The following CD58 variants were observed in gnomAD, a reference collection of about 807,000 sequenced individuals.
CD58 encodes the protein lymphocyte function-associated antigen 3.
Under a neutral mutation model 27.6 loss-of-function variants are expected in CD58, and 14 were observed. The observed-to-expected ratio is 0.51, with a 90% CI of 0.34 to 0.79. CD58 has a LOEUF of 0.79. Among genes scored for constraint, CD58 ranks in the 30% least tolerant of loss-of-function variants. The pLI is 0.02. For synonymous variants in CD58, 117 were observed against 103.8 expected, an observed-to-expected ratio of 1.13 and a Z score of -0.77; for missense variants, 268 against 301.7, an observed-to-expected ratio of 0.89 and a Z score of 0.83.
At position 116,527,820 on chromosome 1, in the gene CD58, GATT is replaced by G. The variant is rs754796992; in HGVS notation, c.629-5840_629-5838del. On this transcript the variant is annotated intron_variant, in intron 3 of 5. Transcript: ENST00000369489. This position sits in a 1 kb window ranked among gnomAD's most constrained non-coding sequence, Gnocchi z 4.4. ...GAACCTGGTGCTTTCTGTTTTGGAA[GATT>G]ATTAATTACTGATCTGATTTATTTA... 6.6e-6 allele frequency among the ~76,000 whole-genome samples: 1 copy of G among 152,164 alleles called. No homozygotes were observed.
chr1:116,561,767 C>T (rs1232227613), intron 1 of CD58, among the ~76,000 whole-genome samples: 5 of 152,164 alleles, frequency 3.3e-5, no homozygotes, highest in Admixed American at 3.3e-4. Flanking sequence ...GTTCACTCTG[C>T]CACTTATTTG....
In CD58 at chr1:116,566,985, A is replaced by G. The variant is rs921854652; in HGVS notation, c.70+3918T>C. ...AAAACCCCGTCTCTATAAAAAATACAAAAAAATTAGGTGGACGTGAAGGCA... is the reference window on the plus strand; with the variant it reads ...AAAACCCCGTCTCTATAAAAAATACGAAAAAATTAGGTGGACGTGAAGGCA... On this transcript the variant is annotated intron_variant, in intron 1 of 5. Coordinates refer to ENST00000369489, the MANE Select transcript of CD58 (RefSeq NM_001779.3). Among the ~76,000 whole-genome samples, 16 of 150,926 alleles carry G rather than the reference A, an allele frequency of 1.1e-4. No homozygotes were observed. The East Asian group carries it at 3.0e-3, about 28-fold the overall frequency.
intron 1 of CD58, among the ~76,000 whole-genome samples, chr1:116,568,747 T>C (rs1659027911): frequency 6.6e-6 from 1 of 152,156 alleles, no homozygotes; most frequent in Non-Finnish European, 1.5e-5. Flanking sequence ...CTCATGTGAG[T>C]GGTACTCTCT....
At chr1:116,533,799 T>C in intron 3 of CD58, 1 of 747,664 alleles carries the variant, frequency 1.3e-6, no homozygotes, top group Non-Finnish European at 2.5e-6. Context: ...GAGGCTGGTA[T>C]AATGCTGCAT....
rs1658700728 is a variant in CD58, at chr1:116,559,844, T to A, written c.70+11059A>T. 6.6e-6 allele frequency among the ~76,000 whole-genome samples: 1 copy of A among 152,234 alleles called. No individual in the cohort carries two copies. The highest frequency in any genetic ancestry group is 1.5e-5 in the Non-Finnish European group (1 of 68,048). On this transcript the variant is annotated intron_variant, in intron 1 of 5. Coordinates refer to ENST00000369489, the MANE Select transcript of CD58 (RefSeq NM_001779.3). This position sits in a 1 kb window ranked among gnomAD's most constrained non-coding sequence, Gnocchi z 4.4. ...ACCTATTTCTTCTTTCTCAAGATGT[T>A]TCCCTTTAGACCTATGCAATCCATC...
At position 116,552,592 on chromosome 1, in the gene CD58, A is replaced by G. The variant is rs1366178553; in HGVS notation, c.71-7988T>C. ...TTCTTTAATAAAAATGGTCTTATGC[A>G]CACTTCTCTACATCCCGCCTTTCCA... On this transcript the variant is annotated intron_variant, in intron 1 of 5. Coordinates refer to ENST00000369489, the MANE Select transcript of CD58 (RefSeq NM_001779.3). The surrounding 1 kb of genome is among the most constrained non-coding windows in gnomAD (Gnocchi z 4.5). 2.0e-5 allele frequency among the ~76,000 whole-genome samples: 3 copies of G among 152,216 alleles called. No individual in the cohort carries two copies. Among genetic ancestry groups the G allele is most frequent in the Non-Finnish European group, 2.9e-5 (2 of 68,038 alleles).
In CD58 at chr1:116,559,273, G is replaced by A. The variant is rs1345005720; in HGVS notation, c.70+11630C>T. 6.6e-6 allele frequency among the ~76,000 whole-genome samples: 1 copy of A among 152,136 alleles called. No individual in the cohort carries two copies. The highest frequency in any genetic ancestry group is 2.4e-5 in the African/African-American group (1 of 41,420). On this transcript the variant is annotated intron_variant, in intron 1 of 5. Coordinates refer to ENST00000369489, the MANE Select transcript of CD58 (RefSeq NM_001779.3). The surrounding 1 kb of genome is among the most constrained non-coding windows in gnomAD (Gnocchi z 4.4). ...TTGAGAACACGCCTATCAAAGTAAG[G>A]TGGTTTGCTCCGCTGGACACTTGGT... is the stretch of plus-strand genomic sequence containing the variant.
Position 116,519,411 on chromosome 1 carries a change from C to G in CD58, c.707-144G>C. The stretch of plus-strand genomic sequence containing the variant: ...CTGGGATTTCCTGCTATCCTATATG[C>G]TTTAAATCAAATCGGCTACAGAGCT... On this transcript the variant is annotated intron_variant, in intron 4 of 5. Transcript: ENST00000369489. This position sits in a 1 kb window ranked among gnomAD's most constrained non-coding sequence, Gnocchi z 4.7. 1.3e-6 allele frequency: 1 copy of G among 748,098 alleles called. No homozygotes were observed. The highest frequency in any genetic ancestry group is 1.7e-5 in the African/African-American group (1 of 57,492). 46.3% of individuals were successfully genotyped at this position (748,098 alleles called of 1,614,324 possible). A position where few individuals can be genotyped will look rare whatever the true frequency, so the allele number is the denominator to read the frequency against.
rs1657082726 is a variant in CD58, at chr1:116,516,315, T to G, written c.744-1493A>C. 1.3e-5 allele frequency among the ~76,000 whole-genome samples: 2 copies of G among 152,058 alleles called. No homozygotes were observed. Among genetic ancestry groups the G allele is most frequent in the South Asian group, 4.1e-4 (2 of 4,822 alleles). Reference sequence around the variant, plus strand: ...CATGATGCAGAACTTGAATAGTAAATAAAAATATACCAAGAAAAGTAAGCT... The same window carrying G: ...CATGATGCAGAACTTGAATAGTAAAGAAAAATATACCAAGAAAAGTAAGCT... On this transcript the variant is annotated intron_variant, in intron 5 of 5. Coordinates refer to ENST00000369489, the MANE Select transcript of CD58 (RefSeq NM_001779.3). This position sits in a 1 kb window ranked among gnomAD's most constrained non-coding sequence, Gnocchi z 6.1.
rs1657213236 is a variant in CD58 at position 116,519,865 on chromosome 1, A to C, written c.707-598T>G. Among the ~76,000 whole-genome samples, 1 of 152,182 alleles carries C rather than the reference A, an allele frequency of 6.6e-6. No homozygotes were observed. Among genetic ancestry groups the C allele is most frequent in the African/African-American group, 2.4e-5 (1 of 41,442 alleles). The stretch of plus-strand genomic sequence containing the variant: ...GCTCATGGCTACTATTTCAGACATT[A>C]AGACACTGCTCCCACACATGCATGC... On this transcript the variant is annotated intron_variant, in intron 4 of 5. Coordinates refer to ENST00000369489, the MANE Select transcript of CD58 (RefSeq NM_001779.3). This position sits in a 1 kb window ranked among gnomAD's most constrained non-coding sequence, Gnocchi z 4.7.
Position 116,522,866 on chromosome 1 carries a change from C to T in CD58, c.629-883G>A, listed in dbSNP as rs1479179614. Reference sequence around the variant, plus strand: ...AAATATTTATCATGAAGCATCTAGACATTGCACTAAGTCATGTGCCTATAG... The same window carrying T: ...AAATATTTATCATGAAGCATCTAGATATTGCACTAAGTCATGTGCCTATAG... On this transcript the variant is annotated intron_variant, in intron 3 of 5. Coordinates refer to ENST00000369489, the MANE Select transcript of CD58 (RefSeq NM_001779.3). This position sits in a 1 kb window ranked among gnomAD's most constrained non-coding sequence, Gnocchi z 4.6. 6.6e-6 allele frequency among the ~76,000 whole-genome samples: 1 copy of T among 150,590 alleles called. No homozygotes were observed. Among genetic ancestry groups the T allele is most frequent in the African/African-American group, 2.5e-5 (1 of 39,924 alleles).
At chr1:116,555,709 C>A (rs1658538173) in intron 1 of CD58, among the ~76,000 whole-genome samples, 5 of 152,058 alleles carry the variant, frequency 3.3e-5, no homozygotes, top group Admixed American at 3.3e-4. Flanking sequence ...TTTAATAGTT[C>A]TTTTTGTATG....
chr1:116,542,052 G>C (rs1279341153), intron 2 of CD58, among the ~76,000 whole-genome samples: 2 of 152,248 alleles, frequency 1.3e-5, no homozygotes, highest in Non-Finnish European at 2.9e-5. Flanking sequence ...GCCAAGGCAG[G>C]TGGATCACCT....
At chr1:116,530,878 A>G (rs1244357774) in intron 3 of CD58, among the ~76,000 whole-genome samples, 2 of 152,200 alleles carry the variant, frequency 1.3e-5, no homozygotes, top group Admixed American at 6.5e-5. Flanking sequence ...AAGGTCCTCC[A>G]ATATTTGGTT....
chr1:116,570,984 C>T lies in CD58; in HGVS notation c.-12G>A, dbSNP rs1357459849. 6 of 1,540,614 alleles carry T rather than the reference C, an allele frequency of 3.9e-6. No individual in the cohort carries two copies. In the Admixed American group the frequency reaches 9.8e-5, roughly 25 times the overall value. ...CTCCCAGCAACCATGGCTCGTCGGG[C>T]CGGCCTCTGCGCGAGTGCCCAGCCA... On this transcript the variant is annotated 5_prime_UTR_variant, in exon 1 of 6. Transcript: ENST00000369489. This position sits in a 1 kb window ranked among gnomAD's most constrained non-coding sequence, Gnocchi z 6.4.
rs565492590 is a variant in CD58 at position 116,570,711 on chromosome 1, G to A, written c.70+192C>T. 7.2e-4 allele frequency among the ~76,000 whole-genome samples: 110 copies of A among 152,244 alleles called. No individual in the cohort carries two copies. Among genetic ancestry groups the A allele is most frequent in the African/African-American group, 2.5e-3 (104 of 41,550 alleles). On this transcript the variant is annotated intron_variant, in intron 1 of 5. Coordinates refer to ENST00000369489, the MANE Select transcript of CD58 (RefSeq NM_001779.3). The surrounding 1 kb of genome is among the most constrained non-coding windows in gnomAD (Gnocchi z 6.4). ...CACAGTTCCTTGCTGACTCCATGAGGGACACTGGCGATGAAATAACAACTT... is the reference window on the plus strand; with the variant it reads ...CACAGTTCCTTGCTGACTCCATGAGAGACACTGGCGATGAAATAACAACTT...
At chr1:116,554,143 A>G (rs1431920627) in intron 1 of CD58, among the ~76,000 whole-genome samples, 1 of 152,242 alleles carries the variant, frequency 6.6e-6, no homozygotes, top group East Asian at 1.9e-4. Context: ...GGATGTTAAC[A>G]AATAAAACAA....
At chr1:116,539,824 T>G (rs1029288197) in intron 2 of CD58, among the ~76,000 whole-genome samples, 2 of 152,236 alleles carry the variant, frequency 1.3e-5, no homozygotes, top group African/African-American at 2.4e-5. Context: ...CTAACAAATA[T>G]TCGTTATACC....
intron 1 of CD58, among the ~76,000 whole-genome samples, chr1:116,551,988 C>A (rs559869018): frequency 6.6e-6 from 1 of 152,190 alleles, no homozygotes; most frequent in Admixed American, 6.5e-5. Context: ...GATCCACCCA[C>A]CTTGGCCTCC....
Sources: allele counts gnomAD v4.1 joint callset (sites outside exome capture counted in the v4.1 genomes callset), GRCh38; gene constraint gnomAD v4.1.1; non-coding constraint Gnocchi (gnomAD v3.1); transcripts MANE v1.5; gene names NCBI Gene and HGNC (gene_info 2026-07-23, HGNC 2026-07-21).